PTPRG: variants seen among roughly 807,000 people sequenced by gnomAD.
PTPRG encodes protein tyrosine phosphatase receptor type G, also known as receptor-type tyrosine-protein phosphatase gamma.
In PTPRG, 102 loss-of-function variants were observed where a neutral mutation model predicts 165.3. The observed-to-expected ratio is 0.62, with a 90% CI of 0.53 to 0.73. The LOEUF (loss-of-function observed/expected upper bound fraction) is 0.73, where lower values mean the gene tolerates loss of function less well. PTPRG is among the 30% of genes least tolerant of loss of function. The pLI, the probability that PTPRG is intolerant of heterozygous loss-of-function variation, is 0.00. For missense variants in PTPRG, 1,866 were observed against 1,861.4 expected, an observed-to-expected ratio of 1.00 and a Z score of -0.05; for synonymous variants, 675 against 669.5, an observed-to-expected ratio of 1.01 and a Z score of -0.13.
chr3:61,839,347 CA>C (rs1467966607), intron 2 of PTPRG, among the ~76,000 whole-genome samples: 1 of 152,164 alleles, frequency 6.6e-6, no homozygotes, highest in African/African-American at 2.4e-5. Context: ...GTAGTAGACA[CA>C]AGAGACTATT....
chr3:62,044,784 CT>C (rs1224943925), intron 4 of PTPRG, among the ~76,000 whole-genome samples: 37 of 152,284 alleles, frequency 2.4e-4, no homozygotes, highest in African/African-American at 8.2e-4. Context: ...TTCCATTAAG[CT>C]TCCTCTTTTC....
chr3:61,781,485 C>T (rs983826680), intron 2 of PTPRG, among the ~76,000 whole-genome samples: 1 of 151,890 alleles, frequency 6.6e-6, no homozygotes, highest in Non-Finnish European at 1.5e-5. Flanking sequence ...ATTTGGGATA[C>T]ATATCATCAC....
At chr3:62,140,478 G>A (rs1324136576) in intron 6 of PTPRG, among the ~76,000 whole-genome samples, 1 of 152,148 alleles carries the variant, frequency 6.6e-6, no homozygotes, top group Non-Finnish European at 1.5e-5. Context: ...AGTGGGTAAT[G>A]CATGATTCCA....
rs117452256 is a variant in PTPRG, at chr3:61,744,806, A to G, written c.86-4072A>G. On this transcript the variant is annotated intron_variant, in intron 1 of 29. Transcript: ENST00000474889. ...TTCATTTCTGAACAATTGCCTTCCT[A>G]AAGAATTGCTTATTGGTTACTCAGG... is the stretch of plus-strand genomic sequence containing the variant. Among the ~76,000 whole-genome samples the G allele has an allele frequency of 5.3e-4, 76 of 143,106 alleles. 2 individuals carry two copies. The East Asian group carries it at 0.013, about 24-fold the overall frequency. 93.9% of individuals were successfully genotyped at this position (143,106 alleles called of 152,430 possible). A position where few individuals can be genotyped will look rare whatever the true frequency, so the allele number is the denominator to read the frequency against.
chr3:61,873,219 C>T (rs1042551868), intron 2 of PTPRG, among the ~76,000 whole-genome samples: 2 of 152,058 alleles, frequency 1.3e-5, no homozygotes, highest in South Asian at 2.1e-4. Context: ...AGTTTGTAAG[C>T]GGAAAACTGG....
At chr3:62,027,090 G>A (rs67356323) in intron 4 of PTPRG, among the ~76,000 whole-genome samples, 2 of 151,388 alleles carry the variant, frequency 1.3e-5, no homozygotes, top group African/African-American at 2.4e-5. Context: ...TTCTCTCCCC[G>A]TGCCCTGTTT....
intron 1 of PTPRG, among the ~76,000 whole-genome samples, chr3:61,615,581 A>G (rs1321612145): frequency 6.6e-6 from 1 of 152,184 alleles, no homozygotes; most frequent in Non-Finnish European, 1.5e-5. Flanking sequence ...TCCCTTTGTA[A>G]TAAGTGTGTT....
intron 2 of PTPRG, among the ~76,000 whole-genome samples, chr3:61,894,090 G>A (rs2038286318): frequency 6.6e-6 from 1 of 152,000 alleles, no homozygotes; most frequent in Non-Finnish European, 1.5e-5. Flanking sequence ...GATCACTTGA[G>A]GTCAGGAGTT....
At chr3:62,105,679 A>T (rs1009749032) in intron 5 of PTPRG, among the ~76,000 whole-genome samples, 4 of 152,190 alleles carry the variant, frequency 2.6e-5, no homozygotes, top group Admixed American at 1.3e-4. Context: ...TAGAGCCACA[A>T]TATGGGTGGA....
intron 5 of PTPRG, among the ~76,000 whole-genome samples, chr3:62,099,307 G>A (rs1435025031): frequency 2.0e-5 from 3 of 152,120 alleles, no homozygotes; most frequent in Non-Finnish European, 4.4e-5. Flanking sequence ...GTCATTTTTT[G>A]ATTCCTTACT....
At chr3:61,712,637 T>C (rs930343799) in intron 1 of PTPRG, among the ~76,000 whole-genome samples, 1 of 152,164 alleles carries the variant, frequency 6.6e-6, no homozygotes, top group Non-Finnish European at 1.5e-5. Context: ...CCCTTCACCT[T>C]CCACCATGAT....
At chr3:61,826,975 C>A (rs2036131737) in intron 2 of PTPRG, among the ~76,000 whole-genome samples, 1 of 152,074 alleles carries the variant, frequency 6.6e-6, no homozygotes, top group African/African-American at 2.4e-5. Context: ...ACTTATCCCG[C>A]CCTCTTCTAA....
At chr3:62,268,794 T>C (rs560852654) in intron 19 of PTPRG, among the ~76,000 whole-genome samples, 35 of 152,170 alleles carry the variant, frequency 2.3e-4, no homozygotes, top group Admixed American at 1.8e-3. Context: ...ATGCATTATA[T>C]ATTGAAAGGT....
At chr3:61,763,449 A>G (rs2033919642) in intron 2 of PTPRG, among the ~76,000 whole-genome samples, 1 of 151,688 alleles carries the variant, frequency 6.6e-6, no homozygotes, top group African/African-American at 2.4e-5. Context: ...CTGCCACTAC[A>G]GCACCTCCCA....
chr3:61,607,652 T>C (rs147158254), intron 1 of PTPRG, among the ~76,000 whole-genome samples: 1 of 152,248 alleles, frequency 6.6e-6, no homozygotes, highest in African/African-American at 2.4e-5. Context: ...TCTCTCCTGC[T>C]TCTCTTTAGA....
intron 2 of PTPRG, among the ~76,000 whole-genome samples, chr3:61,849,154 G>T (rs1376782926): frequency 6.6e-6 from 1 of 152,124 alleles, no homozygotes; most frequent in Non-Finnish European, 1.5e-5. Context: ...GATTATTTTT[G>T]CAGACTTCTG....
At chr3:62,170,547 G>A (rs1042002835) in intron 8 of PTPRG, among the ~76,000 whole-genome samples, 1 of 152,098 alleles carries the variant, frequency 6.6e-6, no homozygotes, top group East Asian at 1.9e-4. Flanking sequence ...GGTTTCTATT[G>A]TGTTAAATTG....
At chr3:62,276,929 A>T in intron 24 of PTPRG, 43 bp from the exon 25 acceptor site, 1 of 1,502,100 alleles carries the variant, frequency 6.7e-7, no homozygotes, top group South Asian at 1.1e-5. Context: ...TTCTGTGTGT[A>T]TAATAAGGCA....
chr3:62,010,038 C>T (rs890396763), intron 4 of PTPRG, among the ~76,000 whole-genome samples: 6 of 152,168 alleles, frequency 3.9e-5, no homozygotes, highest in Non-Finnish European at 8.8e-5. Flanking sequence ...TTGCCTCAGC[C>T]TCCCGAGTAG....
Sources: gnomAD v4.1 joint callset for allele counts (sites outside exome capture counted in the v4.1 genomes callset) on GRCh38, gnomAD v4.1.1 for gene constraint, MANE v1.5 for transcripts, NCBI Gene and HGNC (gene_info 2026-07-23, HGNC 2026-07-21) for gene names.